LYPLAL1: variants seen among roughly 807,000 people sequenced by gnomAD.
LYPLAL1 encodes lysophospholipase like 1.
LYPLAL1 carries 23 observed loss-of-function variants against 19.7 expected under a neutral mutation model. The ratio of observed to expected loss-of-function variants is 1.17; its 90% CI spans 0.84 to 1.65. The LOEUF is 1.65. Among genes scored for constraint, LYPLAL1 ranks in the 40% most tolerant of loss-of-function variants. The pLI, the probability that LYPLAL1 is intolerant of heterozygous loss-of-function variation, is 0.00. For missense variants in LYPLAL1, 355 were observed against 279.4 expected (o/e 1.27, Z -1.93); for synonymous variants, 119 against 96.3 (o/e 1.24, Z -1.38).
chr1:219,202,407 C>CT (rs1658186169), intron 3 of LYPLAL1, among the ~76,000 whole-genome samples: 1 of 152,166 alleles, frequency 6.6e-6, no homozygotes, highest in South Asian at 2.1e-4. Context: ...CAGCTGCTTA[C>CT]TTTTTCCTCA....
At chr1:219,265,631 A>G in the LYPLAL1 span, among the ~76,000 whole-genome samples, 1 of 152,178 alleles carries the variant, frequency 6.6e-6, no homozygotes, top group Admixed American at 6.5e-5. Flanking sequence ...ATAGTCAAGC[A>G]TCACTTAATG....
chr1:219,364,487 T>C, the LYPLAL1 span, among the ~76,000 whole-genome samples: 2 of 152,146 alleles, frequency 1.3e-5, no homozygotes, highest in Non-Finnish European at 2.9e-5. Flanking sequence ...CTCTCTAATG[T>C]AGCCACTACT....
chr1:219,409,959 A>G, the LYPLAL1 span: 2 of 152,234 alleles, frequency 1.3e-5, no homozygotes. Context: ...GAAATTTAAA[A>G]GCCACTACAT....
At chr1:219,444,513 G>T in the LYPLAL1 span, among the ~76,000 whole-genome samples, 1 of 152,116 alleles carries the variant, frequency 6.6e-6, no homozygotes, top group East Asian at 1.9e-4. Flanking sequence ...AAAAATAAAA[G>T]CAAATGCCAT....
At chr1:219,408,617 TG>T in the LYPLAL1 span, among the ~76,000 whole-genome samples, 9 of 151,796 alleles carry the variant, frequency 5.9e-5, no homozygotes, top group Admixed American at 4.6e-4. Flanking sequence ...TGGCAGGGGC[TG>T]GGGGGGTGGT....
the LYPLAL1 span, among the ~76,000 whole-genome samples, chr1:219,363,502 C>T: frequency 1.3e-5 from 2 of 152,124 alleles, no homozygotes; most frequent in Non-Finnish European, 2.9e-5. Flanking sequence ...AGAAAATTAT[C>T]TATGTAGCTT....
the LYPLAL1 span, among the ~76,000 whole-genome samples, chr1:219,239,767 C>CGGA: frequency 6.6e-6 from 1 of 152,186 alleles, no homozygotes; most frequent in East Asian, 1.9e-4. Flanking sequence ...TAACTCTCTC[C>CGGA]ATATTTAGGC....
the LYPLAL1 span, among the ~76,000 whole-genome samples, chr1:219,401,621 T>C: frequency 6.6e-6 from 1 of 152,236 alleles, no homozygotes; most frequent in South Asian, 2.1e-4. Flanking sequence ...AATGCAAATA[T>C]AGAATTAAAT....
the LYPLAL1 span, among the ~76,000 whole-genome samples, chr1:219,324,856 C>T: frequency 6.6e-6 from 1 of 152,168 alleles, no homozygotes; most frequent in Non-Finnish European, 1.5e-5. Context: ...CATAGAGTAA[C>T]CGCCTTAAAT....
chr1:219,438,115 G>A, the LYPLAL1 span, among the ~76,000 whole-genome samples: 1 of 152,128 alleles, frequency 6.6e-6, no homozygotes, highest in African/African-American at 2.4e-5. Flanking sequence ...CCCTCTTATA[G>A]CAAGAGGCAT....
chr1:219,429,765 A>G, the LYPLAL1 span, among the ~76,000 whole-genome samples: 2 of 152,254 alleles, frequency 1.3e-5, no homozygotes, highest in Non-Finnish European at 2.9e-5. Flanking sequence ...ATCTGAATTC[A>G]TTAGACCATT....
the LYPLAL1 span, among the ~76,000 whole-genome samples, chr1:219,229,331 GAGAGAGAC>G: frequency 9.8e-5 from 11 of 112,612 alleles, no homozygotes; most frequent in African/African-American, 3.0e-4. Flanking sequence ...GAGAGAGAGA[GAGAGAGAC>G]ACGCAGGCTA....
chr1:219,407,752 C>G, the LYPLAL1 span, among the ~76,000 whole-genome samples: 1 of 151,998 alleles, frequency 6.6e-6, no homozygotes, highest in East Asian at 1.9e-4. Flanking sequence ...AGCAAACTAC[C>G]CTAGACTGGG....
the LYPLAL1 span, among the ~76,000 whole-genome samples, chr1:219,397,848 T>G: frequency 6.6e-6 from 1 of 152,280 alleles, no homozygotes; most frequent in South Asian, 2.1e-4. Context: ...CTGGCTCGTT[T>G]TTTCTTCTTT....
chr1:219,268,765 T>G, the LYPLAL1 span, among the ~76,000 whole-genome samples: 1 of 152,216 alleles, frequency 6.6e-6, no homozygotes, highest in African/African-American at 2.4e-5. Context: ...AAAGCAGGCT[T>G]CATTATTCTG....
intron 3 of LYPLAL1, among the ~76,000 whole-genome samples, chr1:219,195,948 T>C (rs1029654688): frequency 2.0e-5 from 3 of 152,122 alleles, no homozygotes; most frequent in Non-Finnish European, 4.4e-5. Context: ...TCTGTTCCTG[T>C]GTTAGTTTGC....
At chr1:219,180,563 G>A (rs897569004) in intron 2 of LYPLAL1, among the ~76,000 whole-genome samples, 21 of 152,070 alleles carry the variant, frequency 1.4e-4, no homozygotes, top group African/African-American at 4.8e-4. Context: ...GGTTATTTTT[G>A]TGCTATAAAT....
the LYPLAL1 span, among the ~76,000 whole-genome samples, chr1:219,292,587 T>C: frequency 6.6e-6 from 1 of 152,168 alleles, no homozygotes; most frequent in East Asian, 1.9e-4. Flanking sequence ...GCTGCCCTCA[T>C]TTCCCCAGCA....
At chr1:219,279,216 A>G in the LYPLAL1 span, among the ~76,000 whole-genome samples, 245 of 152,318 alleles carry the variant, frequency 1.6e-3, 3 homozygotes, top group South Asian at 0.015. Context: ...CTATGTGGGA[A>G]GAGGAATGTG....
Sources: allele counts gnomAD v4.1 joint callset (sites outside exome capture counted in the v4.1 genomes callset), GRCh38; gene constraint gnomAD v4.1.1; transcripts MANE v1.5; gene names NCBI Gene and HGNC (gene_info 2026-07-23, HGNC 2026-07-21).